Variants in MYO3A observed in about 807,000 individuals in gnomAD.
MYO3A encodes myosin-IIIa.
A neutral mutation model predicts 192.7 loss-of-function variants in MYO3A; 180 were observed. The ratio of observed to expected loss-of-function variants is 0.93; its 90% confidence interval spans 0.83 to 1.06. MYO3A has a LOEUF of 1.06. Among genes scored for constraint, MYO3A ranks in the 50% least tolerant of loss-of-function variants. The pLI, the probability that MYO3A is intolerant of heterozygous loss-of-function variation, is 0.00. For synonymous variants in MYO3A, 628 were observed against 645.3 expected, an observed-to-expected ratio of 0.97 and a Z score of 0.41; for missense variants, 1,896 against 1,905.0, an observed-to-expected ratio of 1.00 and a Z score of 0.09.
Position 26,194,893 on chromosome 10 carries a change from G to A in MYO3A, c.4545+1582G>A, listed in dbSNP as rs140614457. 3.9e-4 allele frequency among the ~76,000 whole-genome samples: 60 copies of A among 152,264 alleles called. No individual in the cohort carries two copies. In the East Asian group the frequency reaches 0.011, roughly 27 times the overall value. ...TACACATGGGCATCCATGTATACAT[G>A]TATAGAGATATATACACACACATAC... On this transcript the variant is annotated intron_variant, in intron 32 of 34. Coordinates refer to ENST00000642920, the MANE Select transcript of MYO3A (RefSeq NM_017433.5).
chr10:25,952,989 A>G (rs1837304598), intron 3 of MYO3A, among the ~76,000 whole-genome samples: 1 of 151,740 alleles, frequency 6.6e-6, no homozygotes. Flanking sequence ...GAGAGCTGGC[A>G]GTTTCAGAAT....
At position 26,108,277 on chromosome 10, in the gene MYO3A, G is replaced by C. The variant is rs993405122; in HGVS notation, c.1776+11595G>C. Among the ~76,000 whole-genome samples the C allele has an allele frequency of 3.9e-5, 6 of 152,196 alleles. No homozygotes were observed. In the South Asian group the frequency reaches 1.2e-3, roughly 32 times the overall value. The stretch of plus-strand genomic sequence containing the variant: ...CTCTTTCCGCAATTTGTTGAATTTT[G>C]ATTTCATTTTCATAAATGACACTCC... On this transcript the variant is annotated intron_variant, in intron 17 of 34. Transcript: ENST00000642920.
At chr10:26,107,398 T>A (rs139105520) in intron 17 of MYO3A, among the ~76,000 whole-genome samples, 3,981 of 150,956 alleles carry the variant, frequency 0.026, 196 homozygotes, top group African/African-American at 0.091. Flanking sequence ...GAAAAATCAC[T>A]TGAACCCGGG....
In MYO3A at chr10:26,147,528, G is replaced by A. The variant is rs772398154; in HGVS notation, c.2604G>A (p.Arg868=). Reference sequence around the variant, plus strand: ...GGTCATCCGACAACAGTGTAATTAGGCAACTAGTCAACCACCCTCTGACCA... The same window carrying A: ...GGTCATCCGACAACAGTGTAATTAGACAACTAGTCAACCACCCTCTGACCA... The part of the protein sequence containing the change: ...LLRSSDNSVI[R]QLVNHPLTKT... Residue 868 remains arginine (R), a synonymous_variant, in exon 23 of 35, where the codon AGG becomes AGA. Coordinates refer to ENST00000642920, the MANE Select transcript of MYO3A (RefSeq NM_017433.5). 3 of 1,613,944 alleles carry A rather than the reference G, an allele frequency of 1.9e-6. No homozygotes were observed. The highest frequency in any genetic ancestry group is 2.5e-6 in the Non-Finnish European group (3 of 1,179,932).
intron 8 of MYO3A, chr10:26,022,548 T>A (rs1427867623): frequency 6.6e-6 from 1 of 152,180 alleles, no homozygotes; most frequent in Non-Finnish European, 1.5e-5. Flanking sequence ...TATAATACCT[T>A]GGCTATATAT....
intron 20 of MYO3A, among the ~76,000 whole-genome samples, chr10:26,141,287 CTT>C (rs1840152049): frequency 6.6e-6 from 1 of 152,150 alleles, no homozygotes; most frequent in Non-Finnish European, 1.5e-5. Flanking sequence ...TAGGAGCTTT[CTT>C]TCTCCATATG....
At chr10:26,172,056 C>T (rs540710919) in intron 29 of MYO3A, among the ~76,000 whole-genome samples, 1 of 152,268 alleles carries the variant, frequency 6.6e-6, no homozygotes, top group South Asian at 2.1e-4. Flanking sequence ...TGGGCTAACT[C>T]TCATGGGAGG....
At chr10:26,141,469 T>C (rs763241975) in intron 20 of MYO3A, among the ~76,000 whole-genome samples, 32 of 152,206 alleles carry the variant, frequency 2.1e-4, no homozygotes, top group Non-Finnish European at 2.2e-4. Context: ...TGGGAGCCCA[T>C]TGTTTTCCAC....
intron 4 of MYO3A, among the ~76,000 whole-genome samples, chr10:25,996,160 GCTTC>G (rs139198926): frequency 0.033 from 5,094 of 152,334 alleles, 91 homozygotes; most frequent in Non-Finnish European, 0.043. Context: ...CGCAGTTCCA[GCTTC>G]CTGGCCGCTT....
At chr10:26,091,808 C>T (rs1182712592) in intron 15 of MYO3A, among the ~76,000 whole-genome samples, 1 of 152,192 alleles carries the variant, frequency 6.6e-6, no homozygotes, top group Non-Finnish European at 1.5e-5. Context: ...GAGTTTGAAG[C>T]CTCATCCTTC....
At chr10:26,100,698 G>A (rs1435340736) in intron 17 of MYO3A, among the ~76,000 whole-genome samples, 1 of 152,174 alleles carries the variant, frequency 6.6e-6, no homozygotes, top group African/African-American at 2.4e-5. Context: ...CCATGTAGTT[G>A]AGTGGTTTTG....
rs1411250676 is a variant in MYO3A, at chr10:26,166,023, T to C, written c.3000-44T>C. 6.0e-6 allele frequency: 9 copies of C among 1,494,886 alleles called. No individual in the cohort carries two copies. The East Asian group carries it at 1.8e-4, about 30-fold the overall frequency. The allele number at this position is 1,494,886 out of a possible 1,614,324, so 92.6% of individuals were successfully genotyped here. On this transcript the variant is annotated intron_variant, in intron 26 of 34. Transcript: ENST00000642920. ...GGGAACCACCAAGCTACAGAGATGT[T>C]GGCACTTTATGCAATACTAACCAGC...
intron 31 of MYO3A, among the ~76,000 whole-genome samples, chr10:26,191,062 T>A (rs2132138363): frequency 6.6e-6 from 1 of 152,360 alleles, no homozygotes; most frequent in South Asian, 2.1e-4. Flanking sequence ...AGTTAAAATT[T>A]AGTCACATAC....
intron 31 of MYO3A, among the ~76,000 whole-genome samples, chr10:26,179,120 C>T (rs1380111707): frequency 5.9e-5 from 1 of 17,036 alleles, no homozygotes; most frequent in Non-Finnish European, 1.1e-4. Context: ...TTTTTTGAGA[C>T]GGAGTTTCAC....
At chr10:26,032,601 G>A (rs2131159054) in intron 10 of MYO3A, among the ~76,000 whole-genome samples, 1 of 151,662 alleles carries the variant, frequency 6.6e-6, no homozygotes, top group South Asian at 2.1e-4. Flanking sequence ...GGGCGACAGT[G>A]TGAGACTCCA....
chr10:25,992,094 T>C (rs1164514800), intron 4 of MYO3A, among the ~76,000 whole-genome samples: 1 of 151,950 alleles, frequency 6.6e-6, no homozygotes, highest in Non-Finnish European at 1.5e-5. Context: ...AATCTGTAAA[T>C]TACCTTGGGC....
intron 34 of MYO3A, among the ~76,000 whole-genome samples, chr10:26,206,457 A>G (rs1162979778): frequency 6.7e-6 from 1 of 150,030 alleles, no homozygotes; most frequent in East Asian, 2.0e-4. Flanking sequence ...TTATTTGTTT[A>G]TTTATTTTTG....
chr10:25,995,071 G>C (rs998461171), intron 4 of MYO3A, among the ~76,000 whole-genome samples: 1 of 152,036 alleles, frequency 6.6e-6, no homozygotes, highest in African/African-American at 2.4e-5. Flanking sequence ...TGCTTGGTTG[G>C]GGAAGTTCTC....
At chr10:26,110,299 G>C (rs1322247424) in intron 17 of MYO3A, among the ~76,000 whole-genome samples, 1 of 152,144 alleles carries the variant, frequency 6.6e-6, no homozygotes, top group Non-Finnish European at 1.5e-5. Flanking sequence ...GGTCAGAAAG[G>C]AGATGAATGA....
Sources: allele counts gnomAD v4.1 joint callset (sites outside exome capture counted in the v4.1 genomes callset), GRCh38; gene constraint gnomAD v4.1.1; transcripts MANE v1.5; gene names NCBI Gene and HGNC (gene_info 2026-07-23, HGNC 2026-07-21).